The following PRKAR1A variants were observed in gnomAD, a reference collection of about 807,000 sequenced individuals.
The protein encoded by PRKAR1A is cAMP-dependent protein kinase type I-alpha regulatory subunit.
PRKAR1A carries 3 observed loss-of-function variants against 52.0 expected under a neutral mutation model. The observed-to-expected ratio is 0.06, with a 90% CI of 0.03 to 0.15. The LOEUF (loss-of-function observed/expected upper bound fraction) is 0.15, where lower values mean the gene tolerates loss of function less well. Among genes scored for constraint, PRKAR1A ranks in the 10% least tolerant of loss-of-function variants. The pLI is 1.00. For missense variants in PRKAR1A, 240 were observed against 477.4 expected, an observed-to-expected ratio of 0.50 and a Z score of 4.63; for synonymous variants, 188 against 168.4, an observed-to-expected ratio of 1.12 and a Z score of -0.90.
chr17:68,486,565 CTTT>C, the PRKAR1A span, among the ~76,000 whole-genome samples: 1 of 129,660 alleles, frequency 7.7e-6, no homozygotes, highest in Non-Finnish European at 1.6e-5. Context: ...TTCTTTCTTT[CTTT>C]CTTCTTTCCT....
chr17:68,441,032 A>G, the PRKAR1A span: 1 of 152,224 alleles, frequency 6.6e-6, no homozygotes, highest in Non-Finnish European at 1.5e-5. Context: ...GAACTGTTCA[A>G]TGATCTGCAT....
chr17:68,435,589 C>T, the PRKAR1A span: 1 of 1,609,564 alleles, frequency 6.2e-7, no homozygotes. Context: ...CAGCGAAACC[C>T]AGACAGAGGT....
chr17:68,468,333 A>G, the PRKAR1A span, among the ~76,000 whole-genome samples: 1 of 152,166 alleles, frequency 6.6e-6, no homozygotes, highest in Non-Finnish European at 1.5e-5. Flanking sequence ...CATTGGGGGA[A>G]GATGTAGTAG....
the PRKAR1A span, among the ~76,000 whole-genome samples, chr17:68,479,755 T>G: frequency 6.6e-6 from 1 of 152,252 alleles, no homozygotes; most frequent in Non-Finnish European, 1.5e-5. Flanking sequence ...CACACTGTTA[T>G]GAAGAAATAC....
At chr17:68,474,246 T>C in the PRKAR1A span, among the ~76,000 whole-genome samples, 1 of 152,210 alleles carries the variant, frequency 6.6e-6, no homozygotes, top group Admixed American at 6.5e-5. Flanking sequence ...GAGCATTTAG[T>C]CACATCAACT....
At chr17:68,540,126 A>G (rs928871754) in intron 11 of PRKAR1A, among the ~76,000 whole-genome samples, 12 of 152,156 alleles carry the variant, frequency 7.9e-5, no homozygotes, top group Admixed American at 7.9e-4. Flanking sequence ...GCCATCAGTG[A>G]AGCAGCCGCA....
chr17:68,460,779 C>T, the PRKAR1A span, among the ~76,000 whole-genome samples: 1 of 152,130 alleles, frequency 6.6e-6, no homozygotes, highest in African/African-American at 2.4e-5. Context: ...CATCAGCTAG[C>T]TGGATGTGGT....
chr17:68,478,483 C>G, the PRKAR1A span, among the ~76,000 whole-genome samples: 2 of 152,044 alleles, frequency 1.3e-5, no homozygotes, highest in East Asian at 3.9e-4. Context: ...AAAAACAAAC[C>G]AAAAAACCCA....
At chr17:68,529,887 TG>T in intron 9 of PRKAR1A, 32 bp from the exon 10 acceptor site, 2 of 1,606,258 alleles carry the variant, frequency 1.2e-6, no homozygotes, top group Admixed American at 3.3e-5. Context: ...TGAGAGTGTG[TG>T]TTTGTTTAGC....
Position 68,540,885 on chromosome 17 carries a change from T to C in PRKAR1A, c.974-10199T>C, listed in dbSNP as rs1230480591. Reference sequence around the variant, plus strand: ...TCGAAGATGGCCATGTCGATGACATTGAGGAGCCGCTGGCTGTTGTTGTAC... The same window carrying C: ...TCGAAGATGGCCATGTCGATGACATCGAGGAGCCGCTGGCTGTTGTTGTAC... On this transcript the variant is annotated intron_variant, in intron 11 of 11. Coordinates refer to the PRKAR1A transcript ENST00000585981. 1.2e-6 allele frequency: 2 copies of C among 1,605,212 alleles called. No homozygotes were observed. The highest frequency in any genetic ancestry group is 2.7e-5 in the African/African-American group (2 of 74,794).
the PRKAR1A span, among the ~76,000 whole-genome samples, chr17:68,440,443 T>C: frequency 7.2e-5 from 11 of 152,198 alleles, no homozygotes; most frequent in Non-Finnish European, 1.3e-4. Flanking sequence ...AAAAATATTA[T>C]TGTATAATAT....
intron 11 of PRKAR1A, among the ~76,000 whole-genome samples, chr17:68,539,112 A>G (rs1018086598): frequency 6.6e-6 from 1 of 152,216 alleles, no homozygotes. Context: ...ATGCAGTAAA[A>G]ATACCATATT....
intron 11 of PRKAR1A, chr17:68,541,967 G>T: frequency 6.2e-7 from 1 of 1,610,024 alleles, no homozygotes; most frequent in Non-Finnish European, 8.5e-7. Flanking sequence ...GGGCTGTGTG[G>T]CCTGGGGACC....
chr17:68,467,256 C>T, the PRKAR1A span, among the ~76,000 whole-genome samples: 1 of 152,142 alleles, frequency 6.6e-6, no homozygotes, highest in African/African-American at 2.4e-5. Flanking sequence ...TTTCAATTCT[C>T]TTGAGAACAC....
chr17:68,544,376 G>T (rs1156912007), intron 11 of PRKAR1A, among the ~76,000 whole-genome samples: 1 of 152,174 alleles, frequency 6.6e-6, no homozygotes, highest in Non-Finnish European at 1.5e-5. Context: ...GGTGGGGCCT[G>T]CTGGGTGTGT....
the PRKAR1A span, among the ~76,000 whole-genome samples, chr17:68,489,894 T>C: frequency 1.3e-5 from 2 of 152,128 alleles, no homozygotes; most frequent in African/African-American, 4.8e-5. Flanking sequence ...GTGGGGTATT[T>C]AGATATTACC....
At chr17:68,415,946 T>G in the PRKAR1A span, among the ~76,000 whole-genome samples, 47 of 152,306 alleles carry the variant, frequency 3.1e-4, no homozygotes, top group African/African-American at 1.1e-3. Context: ...AGCAGATGGT[T>G]GGTTGGTGAT....
chr17:68,525,469 A>C (rs2085760273), intron 6 of PRKAR1A, among the ~76,000 whole-genome samples: 1 of 152,222 alleles, frequency 6.6e-6, no homozygotes. Context: ...CGGTTCTCTA[A>C]GTATCTGTGA....
At chr17:68,501,358 T>C in the PRKAR1A span, among the ~76,000 whole-genome samples, 1 of 152,224 alleles carries the variant, frequency 6.6e-6, no homozygotes, top group African/African-American at 2.4e-5. Flanking sequence ...GCTGCCTTTC[T>C]TCTTCCCACT....
Sources: allele counts gnomAD v4.1 joint callset (sites outside exome capture counted in the v4.1 genomes callset), GRCh38; gene constraint gnomAD v4.1.1; transcripts MANE v1.5; gene names NCBI Gene and HGNC (gene_info 2026-07-23, HGNC 2026-07-21).